Variants in SH3PXD2B observed in about 807,000 individuals in gnomAD.
SH3PXD2B encodes SH3 and PX domain-containing protein 2B.
Under a neutral mutation model 73.1 loss-of-function variants are expected in SH3PXD2B, and 37 were observed. The observed-to-expected ratio is 0.51, with a 90% confidence interval of 0.39 to 0.67. The LOEUF (loss-of-function observed/expected upper bound fraction) is 0.67. Among genes scored for constraint, SH3PXD2B ranks in the 30% least tolerant of loss-of-function variants. The pLI is 0.00. For missense variants in SH3PXD2B, 1,053 were observed against 1,197.8 expected, an observed-to-expected ratio of 0.88 and a Z score of 1.78; for synonymous variants, 457 against 480.5, an observed-to-expected ratio of 0.95 and a Z score of 0.64.
chr5:172,408,534 CTTT>C (rs34377327), intron 2 of SH3PXD2B, among the ~76,000 whole-genome samples: 5 of 92,666 alleles, frequency 5.4e-5, no homozygotes, highest in South Asian at 4.1e-4. Flanking sequence ...TGGGTTATCA[CTTT>C]TTTTTTTTTT....
downstream of SH3PXD2B, among the ~76,000 whole-genome samples, chr5:172,333,188 G>A (rs527494105): frequency 2.6e-5 from 4 of 152,216 alleles, no homozygotes; most frequent in South Asian, 8.3e-4. Context: ...GCCCGCCTCG[G>A]CCTCCCAAAG....
intron 1 of SH3PXD2B, among the ~76,000 whole-genome samples, chr5:172,441,973 A>G (rs1362104455): frequency 1.3e-5 from 2 of 152,160 alleles, no homozygotes; most frequent in Admixed American, 6.5e-5. Flanking sequence ...CCCTGTCCCT[A>G]TGTGAGCCCT....
intron 4 of SH3PXD2B, among the ~76,000 whole-genome samples, chr5:172,384,803 CTAACTT>C (rs1271973075): frequency 6.6e-6 from 1 of 152,154 alleles, no homozygotes; most frequent in Non-Finnish European, 1.5e-5. Context: ...GAATCAGGCT[CTAACTT>C]TAAGTCCCCG....
chr5:172,396,399 T>C (rs1758299850), intron 3 of SH3PXD2B, among the ~76,000 whole-genome samples: 2 of 150,826 alleles, frequency 1.3e-5, no homozygotes, highest in African/African-American at 2.4e-5. Context: ...GAGGCTAGTA[T>C]AGTAAGAATT....
intron 6 of SH3PXD2B, among the ~76,000 whole-genome samples, chr5:172,368,554 TTATATATATATAAAATATGTTA>T (rs1328633760): frequency 2.2e-4 from 3 of 13,374 alleles, no homozygotes; most frequent in African/African-American, 1.1e-3. Flanking sequence ...TATATATATA[TTATATATATATAAAATATGTTA>T]TATATATATA....
At chr5:172,326,650 G>A (rs1756452065) in intron 12 of SH3PXD2B, among the ~76,000 whole-genome samples, 1 of 152,182 alleles carries the variant, frequency 6.6e-6, no homozygotes, top group Non-Finnish European at 1.5e-5. Flanking sequence ...GTCAAGCTCT[G>A]TAGTCCTTGG....
intron 1 of SH3PXD2B, among the ~76,000 whole-genome samples, chr5:172,431,748 T>G (rs1299330196): frequency 6.6e-6 from 1 of 152,210 alleles, no homozygotes. Context: ...GTAAAGTCAC[T>G]GAGAACACTG....
chr5:172,446,851 C>G (rs1334763996), intron 1 of SH3PXD2B, among the ~76,000 whole-genome samples: 1 of 152,224 alleles, frequency 6.6e-6, no homozygotes, highest in African/African-American at 2.4e-5. Context: ...GAGCAAGGAA[C>G]ATTTTAACTA....
rs531765523 is a variant in SH3PXD2B at position 172,425,651 on chromosome 5, G to A, written c.76-3155C>T. On this transcript the variant is annotated intron_variant, in intron 1 of 12. Coordinates refer to ENST00000311601, the MANE Select transcript of SH3PXD2B (RefSeq NM_001017995.3). ...GGGGGAGGAGGCAGCAGCTGATGAC[G>A]AGGGGCTTGCAGGCCACAGAGAAGC... Among the ~76,000 whole-genome samples, 22 of 152,164 alleles carry A rather than the reference G, an allele frequency of 1.4e-4. No individual in the cohort carries two copies. The South Asian group carries it at 4.2e-3, about 29-fold the overall frequency.
intron 9 of SH3PXD2B, among the ~76,000 whole-genome samples, chr5:172,352,222 A>T (rs932411714): frequency 1.3e-5 from 2 of 152,182 alleles, no homozygotes; most frequent in African/African-American, 2.4e-5. Flanking sequence ...TAAAAAGTTT[A>T]AAAAAACTAA....
rs779082502 is a variant in SH3PXD2B at position 172,337,741 on chromosome 5, C to T, written c.*628G>A. The T allele has an allele frequency of 1.3e-5, 13 of 993,316 alleles. No homozygotes were observed. The South Asian group carries it at 1.4e-4, about 10-fold the overall frequency. 61.5% of individuals were successfully genotyped at this position (993,316 alleles called of 1,614,324 possible). On this transcript the variant is annotated 3_prime_UTR_variant, in exon 13 of 13. Coordinates refer to ENST00000311601, the MANE Select transcript of SH3PXD2B (RefSeq NM_001017995.3). The stretch of plus-strand genomic sequence containing the variant: ...GAAGGTGGGAGGCAGGGCGGCTGAG[C>T]GGATCTCCAGGCCCACTCCTGGGGG...
At chr5:172,440,254 G>C (rs1242445777) in intron 1 of SH3PXD2B, among the ~76,000 whole-genome samples, 2 of 152,210 alleles carry the variant, frequency 1.3e-5, no homozygotes, top group African/African-American at 4.8e-5. Flanking sequence ...CAAGGAGCAC[G>C]CGGTCGAGAT....
intron 8 of SH3PXD2B, among the ~76,000 whole-genome samples, chr5:172,355,962 G>C (rs953370460): frequency 1.3e-5 from 2 of 152,078 alleles, no homozygotes; most frequent in South Asian, 2.1e-4. Context: ...GCTTCCTCCC[G>C]AGCGTGCATT....
intron 4 of SH3PXD2B, among the ~76,000 whole-genome samples, chr5:172,391,330 C>T (rs567746171): frequency 6.6e-6 from 1 of 152,252 alleles, no homozygotes; most frequent in African/African-American, 2.4e-5. Flanking sequence ...CCTATGCCTT[C>T]TTGGGTAAAA....
chr5:172,357,954 C>A (rs1387703394), intron 8 of SH3PXD2B, among the ~76,000 whole-genome samples: 3 of 152,190 alleles, frequency 2.0e-5, no homozygotes, highest in Admixed American at 6.5e-5. Context: ...ATTGCTGATA[C>A]AATAATAACT....
At chr5:172,391,859 A>G (rs973339463) in intron 4 of SH3PXD2B, among the ~76,000 whole-genome samples, 2 of 152,120 alleles carry the variant, frequency 1.3e-5, no homozygotes, top group African/African-American at 4.8e-5. Flanking sequence ...AAAGGCTCAC[A>G]CTTTTGGAGT....
chr5:172,347,397 G>C, intron 10 of SH3PXD2B, 65 bp from the exon 11 acceptor site: 1 of 1,545,514 alleles, frequency 6.5e-7, no homozygotes, highest in South Asian at 1.1e-5. Flanking sequence ...TGGGTGCCAG[G>C]TCGGGTCTAT....
intron 12 of SH3PXD2B, among the ~76,000 whole-genome samples, chr5:172,342,641 A>G (rs1176767365): frequency 2.0e-5 from 3 of 152,158 alleles, no homozygotes; most frequent in Admixed American, 6.5e-5. Context: ...TGCGCCTGTA[A>G]TCCCAGCTAC....
chr5:172,372,843 G>A (rs1004608237), intron 6 of SH3PXD2B, among the ~76,000 whole-genome samples: 1 of 152,172 alleles, frequency 6.6e-6, no homozygotes, highest in Non-Finnish European at 1.5e-5. Context: ...GGAAATTAAA[G>A]AGCGCTGGAT....
Sources: allele counts gnomAD v4.1 joint callset (sites outside exome capture counted in the v4.1 genomes callset), GRCh38; gene constraint gnomAD v4.1.1; transcripts MANE v1.5; gene names NCBI Gene and HGNC (gene_info 2026-07-23, HGNC 2026-07-21).